Variants in ATAD2B observed in about 807,000 individuals in gnomAD.
The protein encoded by ATAD2B is ATPase family AAA domain containing 2B, also known as ATPase family AAA domain-containing protein 2B.
A neutral mutation model predicts 167.6 loss-of-function variants in ATAD2B; 40 were observed. The observed-to-expected ratio is 0.24, with a 90% CI of 0.19 to 0.31. The LOEUF (loss-of-function observed/expected upper bound fraction) is 0.31, where lower values mean the gene tolerates loss of function less well. Ranked by LOEUF, ATAD2B falls within the 10% of genes least tolerant of loss-of-function variation. The pLI, the probability that ATAD2B is intolerant of heterozygous loss-of-function variation, is 1.00. For synonymous variants in ATAD2B, 579 were observed against 596.5 expected (o/e 0.97, Z 0.43); for missense variants, 1,242 against 1,757.2 (o/e 0.71, Z 5.24).
chr2:23,838,103 T>A (rs1690299592), intron 13 of ATAD2B, among the ~76,000 whole-genome samples: 1 of 152,200 alleles, frequency 6.6e-6, no homozygotes, highest in Admixed American at 6.5e-5. Flanking sequence ...TCTAGCTGTG[T>A]TTCCAAAATC....
At position 23,887,993 on chromosome 2, in the gene ATAD2B, A is replaced by T; in HGVS notation, c.419-8T>A. The T allele has an allele frequency of 2.6e-6, 4 of 1,550,586 alleles. No individual in the cohort carries two copies. The highest frequency in any genetic ancestry group is 8.6e-7 in the Non-Finnish European group (1 of 1,157,026). On this transcript the variant is annotated splice_polypyrimidine_tract_variant and splice_region_variant and intron_variant, in intron 3 of 27. Coordinates refer to ENST00000238789, the MANE Select transcript of ATAD2B (RefSeq NM_017552.4). ...GGGGATGGCTTCGAAGGGCTACAAGAAGAGAGATATTTACATTTCAAAGTA... is the reference window on the plus strand; with the variant it reads ...GGGGATGGCTTCGAAGGGCTACAAGTAGAGAGATATTTACATTTCAAAGTA...
chr2:23,905,050 A>G (rs1441893823), intron 1 of ATAD2B, among the ~76,000 whole-genome samples: 2 of 152,212 alleles, frequency 1.3e-5, no homozygotes, highest in Non-Finnish European at 2.9e-5. Context: ...GAATACAGAA[A>G]GAGAAAAAAA....
At chr2:23,833,157 T>C (rs372178822) in intron 14 of ATAD2B, among the ~76,000 whole-genome samples, 2 of 152,336 alleles carry the variant, frequency 1.3e-5, no homozygotes, top group East Asian at 1.9e-4. Context: ...AGGGAAGCCA[T>C]TGCCTTTGTT....
chr2:23,693,630 T>C, the ATAD2B span: 2 of 1,233,396 alleles, frequency 1.6e-6, no homozygotes, highest in Non-Finnish European at 2.3e-6. Flanking sequence ...TTCCTTGTCC[T>C]GCTCTCCCTA....
chr2:23,887,602 G>A lies in ATAD2B; in HGVS notation c.572+230C>T, dbSNP rs149021211. Among the ~76,000 whole-genome samples, 298 of 152,264 alleles carry A rather than the reference G, an allele frequency of 2.0e-3. 1 individual carries two copies. The highest frequency in any genetic ancestry group is 6.6e-3 in the African/African-American group (273 of 41,552). On this transcript the variant is annotated intron_variant, in intron 4 of 27. Transcript: ENST00000238789. Reference sequence around the variant, plus strand: ...AGAGTAAAGTTTTACAGATGCAGACGTTGAACGGATAGTCAGCTCACTGAC... The same window carrying A: ...AGAGTAAAGTTTTACAGATGCAGACATTGAACGGATAGTCAGCTCACTGAC...
chr2:23,762,314 G>C lies in ATAD2B; in HGVS notation c.3289C>G (p.His1097Asp), dbSNP rs1268656735. ...TCTGTCTTCCGAGCTCCAGTACTAT[G>C]AGGATTTATTTGTTCTGATGTTACT... ...LSVTSEQINP[H>D]STGARKTETR... is the part of the protein sequence containing the mutation. The change falls in exon 24 of 28, where the codon CAT (histidine) becomes GAT (aspartate). Residue 1097 changes from histidine (H) to aspartate (D), a missense_variant. This residue lies in a region of ATAD2B where 204 missense variants were observed against 324.0 expected (regional missense o/e 0.63). Transcript: ENST00000238789. 2.5e-6 allele frequency: 4 copies of C among 1,613,484 alleles called. No individual in the cohort carries two copies. The Admixed American group carries it at 6.7e-5, about 27-fold the overall frequency.
the ATAD2B span, chr2:23,703,394 T>G: frequency 5.4e-6 from 8 of 1,475,162 alleles, no homozygotes; most frequent in Non-Finnish European, 7.2e-6. Context: ...GAACCAGCGG[T>G]GTCCTCAGCC....
At chr2:23,854,991 T>A (rs894113188) in intron 13 of ATAD2B, among the ~76,000 whole-genome samples, 4 of 152,178 alleles carry the variant, frequency 2.6e-5, no homozygotes, top group African/African-American at 9.7e-5. Context: ...GGTCAAGAGT[T>A]CGAGACCAGT....
At chr2:23,828,652 A>G (rs950424791) in intron 15 of ATAD2B, among the ~76,000 whole-genome samples, 197 bp downstream of exon 15, 2 of 152,236 alleles carry the variant, frequency 1.3e-5, no homozygotes, top group African/African-American at 4.8e-5. Context: ...CTAAACACCT[A>G]ATGGCAGTTA....
rs191953777 is a variant in ATAD2B, at chr2:23,850,585, T to C, written c.1568+6830A>G. Among the ~76,000 whole-genome samples the C allele has an allele frequency of 1.8e-4, 28 of 152,208 alleles. No individual in the cohort carries two copies. In the East Asian group the frequency reaches 4.6e-3, roughly 25 times the overall value. ...TACATACTGTTTGAGTCCAACTATA[T>C]GACATTCTGGAAAAGGCAAAATTAT... On this transcript the variant is annotated intron_variant, in intron 13 of 27. Transcript: ENST00000238789.
intron 13 of ATAD2B, among the ~76,000 whole-genome samples, chr2:23,836,222 G>A (rs756791425): frequency 9.9e-5 from 15 of 152,196 alleles, no homozygotes; most frequent in East Asian, 1.9e-4. Flanking sequence ...CTGCTGCACC[G>A]GGGCGGGCAG....
chr2:23,791,913 G>A (rs1681802045), intron 19 of ATAD2B, among the ~76,000 whole-genome samples: 1 of 152,042 alleles, frequency 6.6e-6, no homozygotes, highest in Non-Finnish European at 1.5e-5. Flanking sequence ...TGATTGGCTG[G>A]ATCATATGGC....
At chr2:23,906,987 T>C (rs1323942256) in intron 1 of ATAD2B, among the ~76,000 whole-genome samples, 1 of 149,892 alleles carries the variant, frequency 6.7e-6, no homozygotes, top group Admixed American at 6.6e-5. Flanking sequence ...AAGAGCTATA[T>C]ATGACACACT....
chr2:23,703,238 G>C, the ATAD2B span: 3 of 1,537,108 alleles, frequency 2.0e-6, no homozygotes, highest in Non-Finnish European at 2.6e-6. Flanking sequence ...GCCCAAGGCA[G>C]TACACTCTGC....
chr2:23,815,797 T>A (rs761169963), intron 17 of ATAD2B, among the ~76,000 whole-genome samples: 1 of 152,194 alleles, frequency 6.6e-6, no homozygotes, highest in Non-Finnish European at 1.5e-5. Flanking sequence ...CCAAAAGTAT[T>A]CAATAACTCA....
chr2:23,678,554 C>G, the ATAD2B span, among the ~76,000 whole-genome samples: 40 of 152,202 alleles, frequency 2.6e-4, no homozygotes, highest in African/African-American at 7.7e-4. Flanking sequence ...TCAGCCAGGC[C>G]TGACCTAGAT....
At chr2:23,760,358 A>C (rs974060514) in intron 24 of ATAD2B, among the ~76,000 whole-genome samples, 1 of 152,140 alleles carries the variant, frequency 6.6e-6, no homozygotes. Context: ...TTGTGGACCT[A>C]ATGCTTAATA....
chr2:23,741,618 A>G, the ATAD2B span, among the ~76,000 whole-genome samples: 2 of 152,176 alleles, frequency 1.3e-5, no homozygotes, highest in Non-Finnish European at 2.9e-5. Flanking sequence ...AAACCTAGGC[A>G]ATACCATTCA....
intron 18 of ATAD2B, among the ~76,000 whole-genome samples, chr2:23,804,678 A>G (rs1240357967): frequency 6.6e-6 from 1 of 152,022 alleles, no homozygotes; most frequent in Non-Finnish European, 1.5e-5. Context: ...AATCAGGAAA[A>G]AAAAAAAAAA....
Sources: allele counts gnomAD v4.1 joint callset (sites outside exome capture counted in the v4.1 genomes callset), GRCh38; gene constraint gnomAD v4.1.1; regional missense constraint gnomAD v4.1.1; transcripts MANE v1.5; gene names NCBI Gene and HGNC (gene_info 2026-07-23, HGNC 2026-07-21).